The following CHN2 variants were observed in gnomAD, a reference collection of about 807,000 sequenced individuals.
The protein encoded by CHN2 is beta-chimaerin.
A neutral mutation model predicts 56.3 loss-of-function variants in CHN2; 35 were observed. That is an observed-to-expected ratio of 0.62 (90% CI 0.47 to 0.82). The LOEUF is 0.82. Ranked by LOEUF, CHN2 falls within the 40% of genes least tolerant of loss-of-function variation. CHN2 has a pLI of 0.00. For synonymous variants in CHN2, 210 were observed against 212.8 expected, an observed-to-expected ratio of 0.99 and a Z score of 0.12; for missense variants, 491 against 580.5, an observed-to-expected ratio of 0.85 and a Z score of 1.58.
In CHN2 at chr7:29,443,041, C is replaced by T. The variant is rs561106502; in HGVS notation, c.577-37238C>T. On this transcript the variant is annotated intron_variant, in intron 6 of 12. Transcript: ENST00000222792. The stretch of plus-strand genomic sequence containing the variant: ...CTGCAAACTCCGCTTCCCGGGTTCA[C>T]GCCATTCTCCTGCCTCAGCCTCCCG... Among the ~76,000 whole-genome samples the T allele has an allele frequency of 7.3e-4, 108 of 148,918 alleles. 1 individual carries two copies. In the South Asian group the frequency reaches 9.5e-3, roughly 13 times the overall value.
chr7:29,484,460 A>T (rs1787725126), intron 7 of CHN2, among the ~76,000 whole-genome samples: 1 of 152,198 alleles, frequency 6.6e-6, no homozygotes, highest in Admixed American at 6.5e-5. Flanking sequence ...ACTGCCCTGC[A>T]GCTCTCTCCT....
chr7:29,154,431 A>G (rs190201337), intron 2 of CHN2, among the ~76,000 whole-genome samples: 2 of 152,310 alleles, frequency 1.3e-5, no homozygotes, highest in East Asian at 3.9e-4. Context: ...TGCCAAACTC[A>G]GCAGGTGTGA....
intron 3 of CHN2, among the ~76,000 whole-genome samples, chr7:29,374,608 T>TA (rs1481100011): frequency 1.3e-5 from 2 of 152,028 alleles, no homozygotes; most frequent in Non-Finnish European, 2.9e-5. Context: ...ACCAAGCTGT[T>TA]ATGGAGTTCA....
chr7:29,512,492 C>A (rs967376292), intron 12 of CHN2, 72 bp from the exon 13 acceptor site: 79 of 1,334,706 alleles, frequency 5.9e-5, no homozygotes, highest in Non-Finnish European at 7.5e-5. Flanking sequence ...TCGGGACTTA[C>A]ATACATAATC....
Position 29,175,995 on chromosome 7 carries a change from A to G in CHN2, c.274+29035A>G, listed in dbSNP as rs957020628. 2.0e-4 allele frequency among the ~76,000 whole-genome samples: 30 copies of G among 152,192 alleles called. 1 individual carries two copies. The highest frequency in any genetic ancestry group is 3.4e-4 in the Non-Finnish European group (23 of 67,984). ...AGGTCAGGAGATCAAGACCATCCTG[A>G]CTAACACGGTGAAACCCCGTCTCTA... On this transcript the variant is annotated intron_variant, in intron 2 of 6. Coordinates refer to the CHN2 transcript ENST00000439384.
rs143543082 is a variant in CHN2, at chr7:29,344,996, G to A, written c.50-9629G>A. Among the ~76,000 whole-genome samples, 239 of 152,330 alleles carry A rather than the reference G, an allele frequency of 1.6e-3. 1 individual carries two copies. The highest frequency in any genetic ancestry group is 5.6e-3 in the African/African-American group (233 of 41,568). On this transcript the variant is annotated intron_variant, in intron 1 of 12. Transcript: ENST00000222792. ...TTGTCCAACACTTTGAGCACCTGCT[G>A]TGTCCTGGGATACAGCAGTCATGGC... is the stretch of plus-strand genomic sequence containing the variant.
chr7:29,442,116 C>T (rs1353434161), intron 6 of CHN2, among the ~76,000 whole-genome samples: 2 of 152,064 alleles, frequency 1.3e-5, no homozygotes, highest in East Asian at 1.9e-4. Flanking sequence ...AATGAAATTC[C>T]GATACGTGCT....
chr7:29,401,855 G>A (rs1334007028), intron 6 of CHN2, among the ~76,000 whole-genome samples: 1 of 152,088 alleles, frequency 6.6e-6, no homozygotes, highest in Non-Finnish European at 1.5e-5. Flanking sequence ...CAGATTTTTG[G>A]GATGTGCCCC....
intron 2 of CHN2, among the ~76,000 whole-genome samples, chr7:29,148,248 C>T (rs1793051052): frequency 6.6e-6 from 1 of 152,176 alleles, no homozygotes; most frequent in African/African-American, 2.4e-5. Context: ...ATAAGGACAA[C>T]TACTGGCCAA....
intron 1 of CHN2, among the ~76,000 whole-genome samples, chr7:29,294,521 C>T (rs17157723): frequency 0.02 from 3,012 of 152,152 alleles, 105 homozygotes; most frequent in African/African-American, 0.069. Flanking sequence ...GCCTTGTAAC[C>T]GCAAGAAGAT....
chr7:29,416,413 C>A (rs761903187), intron 6 of CHN2, among the ~76,000 whole-genome samples: 104 of 152,344 alleles, frequency 6.8e-4, no homozygotes, highest in Non-Finnish European at 1.1e-3. Flanking sequence ...CAAAGGTTTT[C>A]TTCCAACTCA....
chr7:29,471,560 G>A (rs141271152), intron 6 of CHN2, among the ~76,000 whole-genome samples: 67 of 141,546 alleles, frequency 4.7e-4, no homozygotes, highest in African/African-American at 1.6e-3. Context: ...TTGGGTGAAC[G>A]GTGACTGTTT....
At chr7:29,471,514 T>TTTGGTCCA (rs1786032784) in intron 6 of CHN2, among the ~76,000 whole-genome samples, 1 of 152,166 alleles carries the variant, frequency 6.6e-6, no homozygotes, top group Admixed American at 6.5e-5. Flanking sequence ...AACAAGGTAC[T>TTTGGTCCA]TTGGTCCATT....
intron 1 of CHN2, among the ~76,000 whole-genome samples, chr7:29,319,865 C>T (rs919852968): frequency 1.3e-5 from 2 of 152,130 alleles, no homozygotes; most frequent in African/African-American, 2.4e-5. Flanking sequence ...TCACAGTGAA[C>T]GAGCCAGTGT....
chr7:29,460,063 G>A (rs1434998568), intron 6 of CHN2, among the ~76,000 whole-genome samples: 1 of 151,728 alleles, frequency 6.6e-6, no homozygotes, highest in Non-Finnish European at 1.5e-5. Flanking sequence ...CTTAGCATAT[G>A]TACATTGAAT....
intron 3 of CHN2, among the ~76,000 whole-genome samples, chr7:29,374,349 A>G (rs560573733): frequency 6.6e-6 from 1 of 152,218 alleles, no homozygotes; most frequent in African/African-American, 2.4e-5. Flanking sequence ...AAATTTTGAC[A>G]TATGAATTTT....
chr7:29,381,699 C>G (rs1800517895), intron 3 of CHN2, among the ~76,000 whole-genome samples: 1 of 150,130 alleles, frequency 6.7e-6, no homozygotes, highest in East Asian at 2.0e-4. Context: ...CCTGTGGAGC[C>G]TGGCAAACCT....
At position 29,328,821 on chromosome 7, in the gene CHN2, C is replaced by T. The variant is rs539408488; in HGVS notation, c.50-25804C>T. ...CTTACAATAGCCTAAAATGACAAGTCGAGACATGTTTTCGTAATTGGAAGT... is the reference window on the plus strand; with the variant it reads ...CTTACAATAGCCTAAAATGACAAGTTGAGACATGTTTTCGTAATTGGAAGT... On this transcript the variant is annotated intron_variant, in intron 1 of 12. Coordinates refer to ENST00000222792, the MANE Select transcript of CHN2 (RefSeq NM_004067.4). Among the ~76,000 whole-genome samples the T allele has an allele frequency of 3.6e-3, 547 of 152,126 alleles. 2 individuals carry two copies. The highest frequency in any genetic ancestry group is 0.012 in the African/African-American group (514 of 41,494).
rs887661344 is a variant in CHN2 at position 29,341,698 on chromosome 7, T to C, written c.50-12927T>C. 1.3e-5 allele frequency among the ~76,000 whole-genome samples: 2 copies of C among 152,274 alleles called. 1 individual carries two copies. The highest frequency in any genetic ancestry group is 4.2e-4 in the South Asian group (2 of 4,814). ...GCAGAAAATTAAATAATGTCATGAGTTTTTTCTAATTCTCTAGTGCTGTTT... is the reference window on the plus strand; with the variant it reads ...GCAGAAAATTAAATAATGTCATGAGCTTTTTCTAATTCTCTAGTGCTGTTT... On this transcript the variant is annotated intron_variant, in intron 1 of 12. Coordinates refer to ENST00000222792, the MANE Select transcript of CHN2 (RefSeq NM_004067.4).
Sources: allele counts gnomAD v4.1 joint callset (sites outside exome capture counted in the v4.1 genomes callset), GRCh38; gene constraint gnomAD v4.1.1; transcripts MANE v1.5; gene names NCBI Gene and HGNC (gene_info 2026-07-23, HGNC 2026-07-21).